The following GALNTL6 variants were observed in gnomAD, a reference collection of about 807,000 sequenced individuals.
GALNTL6 encodes polypeptide N-acetylgalactosaminyltransferase-like 6.
GALNTL6 carries 46 observed loss-of-function variants against 73.7 expected under a neutral mutation model. The observed-to-expected ratio is 0.62, with a 90% CI of 0.49 to 0.80. GALNTL6 has a LOEUF of 0.80. Ranked by LOEUF, GALNTL6 falls within the 30% of genes least tolerant of loss-of-function variation. GALNTL6 has a pLI of 0.00. For missense variants in GALNTL6, 604 were observed against 755.0 expected (o/e 0.80, Z 2.34); for synonymous variants, 259 against 263.7 (o/e 0.98, Z 0.17).
At chr4:172,824,117 C>T (rs1742094303) in intron 7 of GALNTL6, among the ~76,000 whole-genome samples, 1 of 152,122 alleles carries the variant, frequency 6.6e-6, no homozygotes, top group Non-Finnish European at 1.5e-5. Flanking sequence ...CATAACAAGC[C>T]TGAACAATAT....
intron 5 of GALNTL6, among the ~76,000 whole-genome samples, chr4:172,373,830 C>T (rs1416355115): frequency 6.6e-6 from 1 of 152,146 alleles, no homozygotes; most frequent in Non-Finnish European, 1.5e-5. Context: ...ACAGGCTGTC[C>T]CAGGATTCCT....
At chr4:172,155,186 C>A (rs530236786) in intron 2 of GALNTL6, among the ~76,000 whole-genome samples, 243 of 151,848 alleles carry the variant, frequency 1.6e-3, no homozygotes, top group African/African-American at 5.3e-3. Flanking sequence ...TTAGTAGAGA[C>A]TGGGTTTCAC....
intron 5 of GALNTL6, among the ~76,000 whole-genome samples, chr4:172,483,168 G>T (rs1215017231): frequency 6.6e-6 from 1 of 152,078 alleles, no homozygotes; most frequent in Non-Finnish European, 1.5e-5. Flanking sequence ...GGGATTTGTG[G>T]GTTTTTTGGA....
intron 2 of GALNTL6, among the ~76,000 whole-genome samples, chr4:171,849,481 G>A (rs1387289015): frequency 6.6e-6 from 1 of 152,034 alleles, no homozygotes; most frequent in Admixed American, 6.6e-5. Flanking sequence ...TGTTTTGTTT[G>A]CACAGCATTT....
chr4:172,058,739 T>C (rs1731105673), intron 2 of GALNTL6, among the ~76,000 whole-genome samples: 1 of 152,208 alleles, frequency 6.6e-6, no homozygotes, highest in African/African-American at 2.4e-5. Context: ...AGTAGTTGCT[T>C]TTTTATAGTA....
chr4:172,648,273 A>G (rs1479711640), intron 5 of GALNTL6, among the ~76,000 whole-genome samples: 1 of 152,296 alleles, frequency 6.6e-6, no homozygotes, highest in Admixed American at 6.5e-5. Context: ...CTTCAGAAAT[A>G]CAGCTCCTAA....
intron 10 of GALNTL6, among the ~76,000 whole-genome samples, chr4:172,977,724 A>C (rs1750883081): frequency 6.6e-6 from 1 of 152,072 alleles, no homozygotes; most frequent in Non-Finnish European, 1.5e-5. Flanking sequence ...GGGTGGGAAG[A>C]GGTGTTACTA....
chr4:172,686,167 C>G (rs932092623), intron 5 of GALNTL6, among the ~76,000 whole-genome samples: 7 of 152,042 alleles, frequency 4.6e-5, no homozygotes, highest in African/African-American at 1.7e-4. Flanking sequence ...TCTCATGGTC[C>G]CACTGCCAGA....
chr4:172,988,865 C>T (rs1751414438), intron 10 of GALNTL6, among the ~76,000 whole-genome samples: 1 of 152,244 alleles, frequency 6.6e-6, no homozygotes, highest in Admixed American at 6.5e-5. Flanking sequence ...GCACAGAAGC[C>T]AAGAGTTCAG....
intron 2 of GALNTL6, among the ~76,000 whole-genome samples, chr4:172,175,184 C>G (rs1381881579): frequency 3.3e-5 from 5 of 151,624 alleles, no homozygotes; most frequent in Non-Finnish European, 7.4e-5. Flanking sequence ...TCAAGTGATT[C>G]TCCTGCCTCA....
At chr4:172,792,272 C>T (rs1008411658) in intron 5 of GALNTL6, among the ~76,000 whole-genome samples, 4 of 151,956 alleles carry the variant, frequency 2.6e-5, no homozygotes, top group African/African-American at 9.7e-5. Context: ...AAAGAAATCC[C>T]CTTAATGTTT....
At chr4:172,046,018 G>A (rs1317860542) in intron 2 of GALNTL6, among the ~76,000 whole-genome samples, 1 of 151,876 alleles carries the variant, frequency 6.6e-6, no homozygotes, top group Non-Finnish European at 1.5e-5. Flanking sequence ...CTTGCAAATA[G>A]CATAATTTTC....
intron 5 of GALNTL6, among the ~76,000 whole-genome samples, chr4:172,530,231 C>G (rs900691019): frequency 2.8e-4 from 43 of 152,078 alleles, no homozygotes; most frequent in Admixed American, 2.8e-3. Flanking sequence ...GCTAAGATAC[C>G]TAGTCGATAA....
At chr4:171,818,341 C>T (rs921947542) in intron 2 of GALNTL6, among the ~76,000 whole-genome samples, 7 of 151,404 alleles carry the variant, frequency 4.6e-5, no homozygotes, top group Non-Finnish European at 7.4e-5. Flanking sequence ...CTTTCTTTTC[C>T]TAAATACATT....
intron 3 of GALNTL6, among the ~76,000 whole-genome samples, chr4:172,277,618 A>C (rs1738884239): frequency 1.3e-5 from 2 of 152,196 alleles, no homozygotes; most frequent in South Asian, 4.1e-4. Flanking sequence ...CGAACAATTA[A>C]TTCAGCCAAG....
chr4:172,273,490 G>A (rs1738725209), intron 3 of GALNTL6, among the ~76,000 whole-genome samples: 1 of 152,100 alleles, frequency 6.6e-6, no homozygotes, highest in African/African-American at 2.4e-5. Flanking sequence ...GTCTCTTCTA[G>A]GGCATGACAA....
intron 2 of GALNTL6, among the ~76,000 whole-genome samples, chr4:172,171,122 A>G (rs1328798662): frequency 1.3e-5 from 2 of 152,336 alleles, no homozygotes; most frequent in African/African-American, 4.8e-5. Context: ...AACAACTCAT[A>G]GCCAAAGCAT....
chr4:172,421,310 T>C (rs1401261740), intron 5 of GALNTL6, among the ~76,000 whole-genome samples: 1 of 152,148 alleles, frequency 6.6e-6, no homozygotes, highest in African/African-American at 2.4e-5. Flanking sequence ...ACCACAGAAG[T>C]TAACAGATAA....
intron 5 of GALNTL6, among the ~76,000 whole-genome samples, chr4:172,599,736 G>A (rs1426511621): frequency 2.0e-5 from 3 of 152,088 alleles, no homozygotes; most frequent in South Asian, 2.1e-4. Flanking sequence ...TCACTAAGAT[G>A]TAGGTTGGTG....
Sources: gnomAD v4.1 joint callset for allele counts (sites outside exome capture counted in the v4.1 genomes callset) on GRCh38, gnomAD v4.1.1 for gene constraint, MANE v1.5 for transcripts, NCBI Gene and HGNC (gene_info 2026-07-23, HGNC 2026-07-21) for gene names.